The following FBN2 variants were observed in gnomAD, a reference collection of about 807,000 sequenced individuals.
FBN2 encodes fibrillin-2.
In FBN2, 105 loss-of-function variants were observed where a neutral mutation model predicts 355.6. That is an observed-to-expected ratio of 0.30 (90% CI 0.25 to 0.35). The LOEUF (loss-of-function observed/expected upper bound fraction) is 0.35. Among genes scored for constraint, FBN2 ranks in the 10% least tolerant of loss-of-function variants. The probability of loss-of-function intolerance (pLI) is 1.00; values close to 1 mark genes in which losing one functional copy is unlikely to be tolerated. For missense variants in FBN2, 3,280 were observed against 3,758.7 expected (o/e 0.87, Z 3.33); for synonymous variants, 1,350 against 1,301.2 (o/e 1.04, Z -0.81).
intron 24 of FBN2, 50 bp downstream of exon 24, chr5:128,345,307 A>C: frequency 7.1e-7 from 1 of 1,399,408 alleles, no homozygotes; most frequent in Non-Finnish European, 1.0e-6. Context: ...AGAATGTGGA[A>C]GGCTTCCTGT....
chr5:128,426,928 G>A (rs1340287586), intron 7 of FBN2, among the ~76,000 whole-genome samples: 1 of 152,036 alleles, frequency 6.6e-6, no homozygotes, highest in Non-Finnish European at 1.5e-5. Flanking sequence ...AATGTTCTAG[G>A]GCTCAGCACT....
intron 8 of FBN2, among the ~76,000 whole-genome samples, chr5:128,406,293 A>G (rs1485682346): frequency 1.3e-5 from 2 of 152,136 alleles, no homozygotes; most frequent in Admixed American, 1.3e-4. Flanking sequence ...TCTTAACTAC[A>G]CTTATCACAC....
chr5:128,364,776 G>T, intron 17 of FBN2, 51 bp from the exon 18 acceptor site: 1 of 1,503,348 alleles, frequency 6.7e-7, no homozygotes, highest in South Asian at 1.1e-5. Context: ...GTTATTGTTT[G>T]TTGATAAATG....
chr5:128,495,820 C>T (rs542414663), intron 5 of FBN2, among the ~76,000 whole-genome samples: 1 of 152,076 alleles, frequency 6.6e-6, no homozygotes, highest in African/African-American at 2.4e-5. Flanking sequence ...AAAGAGGGAG[C>T]ATTATTACTG....
chr5:128,487,924 C>A (rs778996880), intron 5 of FBN2, among the ~76,000 whole-genome samples: 2 of 152,148 alleles, frequency 1.3e-5, no homozygotes, highest in East Asian at 3.9e-4. Context: ...TGATTTATCA[C>A]AAAAACCAAT....
intron 5 of FBN2, among the ~76,000 whole-genome samples, chr5:128,474,408 G>A (rs1396996686): frequency 2.0e-5 from 3 of 152,228 alleles, no homozygotes; most frequent in Middle Eastern, 6.8e-3. Context: ...CTGTACTATC[G>A]TTAAGTAGGC....
At chr5:128,381,501 T>C (rs1048884533) in intron 11 of FBN2, among the ~76,000 whole-genome samples, 4 of 152,144 alleles carry the variant, frequency 2.6e-5, no homozygotes, top group Admixed American at 6.6e-5. Flanking sequence ...AAAGCACTAG[T>C]TAATTAATAT....
At position 128,330,590 on chromosome 5, in the gene FBN2, T is replaced by C. The variant is rs751400994; in HGVS notation, c.4328A>G (p.Asp1443Gly). The C allele has an allele frequency of 6.2e-7, 1 of 1,614,114 alleles. No homozygotes were observed. Among genetic ancestry groups the C allele is most frequent in the South Asian group, 1.1e-5 (1 of 91,078 alleles). ...RCACSEGFTG[D>G]GFTCSDVDEC... Reference sequence around the variant, plus strand: ...TCACCCACCTGAGCAGGTAAAGCCATCACCAGTGAAACCTTCGGAGCAGGC... The same window carrying C: ...TCACCCACCTGAGCAGGTAAAGCCACCACCAGTGAAACCTTCGGAGCAGGC... The change falls in exon 33 of 65, where the codon GAT becomes GGT. Residue 1443 changes from aspartate (D) to glycine (G), a missense_variant. This residue lies in a region of FBN2 where 2,284 missense variants were observed against 2,749.5 expected (regional missense o/e 0.83). Coordinates refer to ENST00000262464, the MANE Select transcript of FBN2 (RefSeq NM_001999.4).
At chr5:128,471,645 CA>C (rs1282491916) in intron 5 of FBN2, among the ~76,000 whole-genome samples, 1 of 151,810 alleles carries the variant, frequency 6.6e-6, no homozygotes, top group East Asian at 1.9e-4. Context: ...GCCTTAAAAA[CA>C]AAAACAAAAA....
intron 7 of FBN2, among the ~76,000 whole-genome samples, chr5:128,425,880 G>T (rs1753470475): frequency 6.6e-6 from 1 of 152,010 alleles, no homozygotes; most frequent in South Asian, 2.1e-4. Flanking sequence ...TCTCATTATT[G>T]GTTGATTTTC....
chr5:128,531,258 A>G (rs1415417910), intron 2 of FBN2, among the ~76,000 whole-genome samples: 1 of 152,162 alleles, frequency 6.6e-6, no homozygotes, highest in African/African-American at 2.4e-5. Context: ...CAGCATTTGT[A>G]GTGACCTGGA....
At chr5:128,440,840 G>T (rs1753899329) in intron 7 of FBN2, among the ~76,000 whole-genome samples, 1 of 152,182 alleles carries the variant, frequency 6.6e-6, no homozygotes, top group Non-Finnish European at 1.5e-5. Flanking sequence ...ATCAGCCAGA[G>T]AGGCGGCATA....
chr5:128,261,671 C>CA (rs1332158205), intron 64 of FBN2, 65 bp downstream of exon 64: 2 of 1,470,064 alleles, frequency 1.4e-6, no homozygotes, highest in African/African-American at 1.4e-5. Context: ...ACGACGTGAA[C>CA]TGCACTGTAT....
intron 34 of FBN2, among the ~76,000 whole-genome samples, chr5:128,321,372 G>A (rs1236807808): frequency 1.3e-5 from 2 of 152,148 alleles, no homozygotes; most frequent in African/African-American, 2.4e-5. Flanking sequence ...GTGTATGTGT[G>A]CCATGGTGGT....
At chr5:128,263,304 C>T in intron 63 of FBN2, 121 bp downstream of exon 63, 1 of 781,224 alleles carries the variant, frequency 1.3e-6, no homozygotes, top group Non-Finnish European at 2.3e-6. Context: ...CCGAAGAGTT[C>T]TAATCAATGC....
At chr5:128,365,664 A>G (rs1345833675) in intron 17 of FBN2, among the ~76,000 whole-genome samples, 1 of 150,226 alleles carries the variant, frequency 6.7e-6, no homozygotes, top group Non-Finnish European at 1.5e-5. Context: ...ATATATATAT[A>G]ACCGTATATA....
chr5:128,301,656 A>AT, intron 46 of FBN2, 146 bp from the exon 47 acceptor site: 1 of 763,624 alleles, frequency 1.3e-6, no homozygotes, highest in Non-Finnish European at 2.3e-6. Context: ...AAAATGGCAC[A>AT]TATCATAAGG....
intron 5 of FBN2, among the ~76,000 whole-genome samples, chr5:128,472,706 G>A (rs757628090): frequency 6.6e-6 from 1 of 151,662 alleles, no homozygotes; most frequent in Non-Finnish European, 1.5e-5. Context: ...CAGGAGAATC[G>A]CTAGAACCCG....
At chr5:128,330,921 C>T (rs559948440) in intron 32 of FBN2, among the ~76,000 whole-genome samples, 36 of 152,226 alleles carry the variant, frequency 2.4e-4, no homozygotes, top group African/African-American at 8.4e-4. Flanking sequence ...ATCTAGTCAA[C>T]GTGAATTTTT....
Sources: allele counts gnomAD v4.1 joint callset (sites outside exome capture counted in the v4.1 genomes callset), GRCh38; gene constraint gnomAD v4.1.1; regional missense constraint gnomAD v4.1.1; transcripts MANE v1.5; gene names NCBI Gene and HGNC (gene_info 2026-07-23, HGNC 2026-07-21).